LSAMP: variants seen among roughly 807,000 people sequenced by gnomAD.
LSAMP encodes the protein limbic system-associated membrane protein.
Under a neutral mutation model 38.6 loss-of-function variants are expected in LSAMP, and 7 were observed. The ratio of observed to expected loss-of-function variants is 0.18; its 90% CI spans 0.10 to 0.34. The LOEUF is 0.34. Among genes scored for constraint, LSAMP ranks in the 10% least tolerant of loss-of-function variants. LSAMP has a pLI of 1.00. For synonymous variants in LSAMP, 154 were observed against 166.8 expected, an observed-to-expected ratio of 0.92 and a Z score of 0.59; for missense variants, 313 against 420.0, an observed-to-expected ratio of 0.75 and a Z score of 2.23.
intron 1 of LSAMP, among the ~76,000 whole-genome samples, chr3:116,213,990 T>C (rs991780763): frequency 6.6e-6 from 1 of 152,226 alleles, no homozygotes; most frequent in Non-Finnish European, 1.5e-5. Flanking sequence ...TGTACAGTAC[T>C]GTACCTATAG....
At chr3:115,843,431 T>C (rs1935059746) in intron 4 of LSAMP, among the ~76,000 whole-genome samples, 1 of 152,224 alleles carries the variant, frequency 6.6e-6, no homozygotes, top group African/African-American at 2.4e-5. Context: ...GATTATAGAC[T>C]CAAGCTCCTG....
At chr3:116,020,096 A>C (rs1474998717) in intron 2 of LSAMP, among the ~76,000 whole-genome samples, 1 of 152,222 alleles carries the variant, frequency 6.6e-6, no homozygotes, top group Non-Finnish European at 1.5e-5. Context: ...TTACTGTATT[A>C]TTAAGATGTG....
intron 2 of LSAMP, among the ~76,000 whole-genome samples, chr3:116,058,509 T>C (rs1941532767): frequency 1.3e-5 from 2 of 151,908 alleles, no homozygotes; most frequent in Admixed American, 1.3e-4. Flanking sequence ...GGCTTGATAA[T>C]TCCTAAGTCC....
intron 6 of LSAMP, among the ~76,000 whole-genome samples, chr3:115,832,132 G>C (rs1225717868): frequency 6.6e-6 from 1 of 152,118 alleles, no homozygotes; most frequent in Non-Finnish European, 1.5e-5. Flanking sequence ...ATGTAGAGTG[G>C]GGATAGGAGG....
intron 1 of LSAMP, among the ~76,000 whole-genome samples, chr3:116,138,279 T>A (rs1709293558): frequency 6.6e-6 from 1 of 152,074 alleles, no homozygotes; most frequent in Non-Finnish European, 1.5e-5. Flanking sequence ...CTACACAACT[T>A]GTGTTAAAAT....
At chr3:116,082,688 A>T (rs893867112) in intron 2 of LSAMP, among the ~76,000 whole-genome samples, 1 of 152,228 alleles carries the variant, frequency 6.6e-6, no homozygotes, top group South Asian at 2.1e-4. Context: ...TATATACACC[A>T]TGAAATATTA....
rs549350755 is a variant in LSAMP, at chr3:115,859,520, A to G, written c.515-6903T>C. ...AAGGGAAGGGGTGGGTTACTCTGCT[A>G]TAGAAATGTTCCCTATTTGAATAAT... On this transcript the variant is annotated intron_variant, in intron 3 of 6. Coordinates refer to ENST00000490035, the MANE Select transcript of LSAMP (RefSeq NM_002338.5). Among the ~76,000 whole-genome samples the G allele has an allele frequency of 2.0e-5, 3 of 152,308 alleles. No individual in the cohort carries two copies. The East Asian group carries it at 5.8e-4, about 29-fold the overall frequency.
intron 1 of LSAMP, among the ~76,000 whole-genome samples, chr3:116,338,261 C>T (rs905757199): frequency 2.6e-5 from 4 of 151,952 alleles, no homozygotes; most frequent in Non-Finnish European, 4.4e-5. Flanking sequence ...CTTTCCTATC[C>T]TGTGGATAAA....
intron 1 of LSAMP, among the ~76,000 whole-genome samples, chr3:116,137,480 A>C (rs1024720717): frequency 6.6e-6 from 1 of 152,158 alleles, no homozygotes; most frequent in Non-Finnish European, 1.5e-5. Context: ...ATTTTGGATC[A>C]TTACATGGAA....
intron 4 of LSAMP, among the ~76,000 whole-genome samples, chr3:115,847,251 G>T (rs893213581): frequency 1.3e-5 from 2 of 152,124 alleles, no homozygotes; most frequent in African/African-American, 4.8e-5. Context: ...GGATGATATA[G>T]TTGGTCTCCC....
chr3:115,814,929 T>C (rs560132442), intron 6 of LSAMP, among the ~76,000 whole-genome samples: 1 of 152,316 alleles, frequency 6.6e-6, no homozygotes, highest in African/African-American at 2.4e-5. Flanking sequence ...CCTGGGAAGA[T>C]GCATTTAGAA....
rs2049498580 is a variant in LSAMP at position 116,445,450 on chromosome 3, C to A, written c.-419G>T. The A allele has an allele frequency of 1.1e-5, 5 of 452,526 alleles. No homozygotes were observed. In the South Asian group the frequency reaches 2.9e-4, roughly 26 times the overall value. The allele number at this position is 452,526 out of a possible 1,614,324, so 28.0% of individuals were successfully genotyped here. On this transcript the variant is annotated 5_prime_UTR_variant, in exon 1 of 7. Coordinates refer to ENST00000490035, the MANE Select transcript of LSAMP (RefSeq NM_002338.5). ...GGCGGGCGGGCGAGGGAGCCGGCAC[C>A]AAGCCTGCCAGTGAGTGTACAGAAA...
chr3:115,849,678 G>C (rs899408021), intron 4 of LSAMP, among the ~76,000 whole-genome samples: 6 of 152,146 alleles, frequency 3.9e-5, no homozygotes, highest in Non-Finnish European at 5.9e-5. Context: ...GCATTTCTTT[G>C]CATGTAAGAG....
intron 1 of LSAMP, among the ~76,000 whole-genome samples, chr3:116,167,829 A>T (rs1323828997): frequency 6.6e-6 from 1 of 152,250 alleles, no homozygotes; most frequent in East Asian, 1.9e-4. Flanking sequence ...CAGGGCAGAG[A>T]TAAATCTGTG....
chr3:115,806,068 G>A lies in LSAMP; in HGVS notation c.*4249C>T, dbSNP rs1018661053. The A allele has an allele frequency of 1.3e-5, 2 of 152,092 alleles. No individual in the cohort carries two copies. The highest frequency in any genetic ancestry group is 4.8e-5 in the African/African-American group (2 of 41,440). 9.4% of individuals were successfully genotyped at this position (152,092 alleles called of 1,614,324 possible). A position where few individuals can be genotyped will look rare whatever the true frequency, so the allele number is the denominator to read the frequency against. The stretch of plus-strand genomic sequence containing the variant: ...ATATTGGTAACCAAGACTAAATGCA[G>A]GCTAAAAGTGTATGAGGATGAAAAG... On this transcript the variant is annotated 3_prime_UTR_variant, in exon 7 of 7. Transcript: ENST00000490035.
At chr3:116,375,247 C>T (rs2107795717) in intron 1 of LSAMP, among the ~76,000 whole-genome samples, 1 of 152,012 alleles carries the variant, frequency 6.6e-6, no homozygotes, top group East Asian at 1.9e-4. Flanking sequence ...AACAGGGTTT[C>T]ACGCTGAACA....
chr3:116,407,883 G>A (rs2048917937), intron 1 of LSAMP, among the ~76,000 whole-genome samples: 1 of 151,962 alleles, frequency 6.6e-6, no homozygotes, highest in Non-Finnish European at 1.5e-5. Context: ...CAAGCCATAA[G>A]CTCCTACAAA....
chr3:115,858,699 A>G (rs1489525903), intron 3 of LSAMP, among the ~76,000 whole-genome samples: 1 of 152,174 alleles, frequency 6.6e-6, no homozygotes, highest in Non-Finnish European at 1.5e-5. Flanking sequence ...AAAGAACTAG[A>G]ATTTATCTTG....
intron 1 of LSAMP, among the ~76,000 whole-genome samples, chr3:116,292,595 A>G (rs2047282291): frequency 6.6e-6 from 1 of 152,132 alleles, no homozygotes; most frequent in African/African-American, 2.4e-5. Flanking sequence ...GGAGTTTATA[A>G]TTTGTGGCGG....
Sources: gnomAD v4.1 joint callset for allele counts (sites outside exome capture counted in the v4.1 genomes callset) on GRCh38, gnomAD v4.1.1 for gene constraint, MANE v1.5 for transcripts, NCBI Gene and HGNC (gene_info 2026-07-23, HGNC 2026-07-21) for gene names.